The following HOMER2 variants were observed in gnomAD, a reference collection of about 807,000 sequenced individuals.
The protein encoded by HOMER2 is homer protein homolog 2.
HOMER2 carries 27 observed loss-of-function variants against 47.0 expected under a neutral mutation model. The observed-to-expected ratio is 0.57, with a 90% CI of 0.42 to 0.79. The LOEUF (loss-of-function observed/expected upper bound fraction) is 0.79, where lower values mean the gene tolerates loss of function less well. Ranked by LOEUF, HOMER2 falls within the 30% of genes least tolerant of loss-of-function variation. The pLI is 0.00. For missense variants in HOMER2, 443 were observed against 435.0 expected (o/e 1.02, Z -0.16); for synonymous variants, 161 against 163.8 (o/e 0.98, Z 0.13).
chr15:82,937,492 T>C (rs2054167879), intron 1 of HOMER2, among the ~76,000 whole-genome samples: 1 of 152,200 alleles, frequency 6.6e-6, no homozygotes, highest in Non-Finnish European at 1.5e-5. Context: ...ACACTGCCTC[T>C]GCCCTCCAGG....
At chr15:82,975,650 T>A (rs1886291557) in intron 1 of HOMER2, among the ~76,000 whole-genome samples, 3 of 152,110 alleles carry the variant, frequency 2.0e-5, no homozygotes, top group Admixed American at 6.5e-5. Context: ...ACTTGTAGGA[T>A]CTAAAAATCA....
chr15:82,962,206 T>A (rs2054636326), intron 1 of HOMER2, among the ~76,000 whole-genome samples: 1 of 151,562 alleles, frequency 6.6e-6, no homozygotes, highest in Non-Finnish European at 1.5e-5. Flanking sequence ...CCGTCTCTAC[T>A]AAAAATACGA....
rs78335136 is a variant in HOMER2, at chr15:82,962,089, G to A, written n.83-2781C>T. Among the ~76,000 whole-genome samples the A allele has an allele frequency of 3.8e-3, 579 of 151,844 alleles. 19 individuals carry two copies. In the East Asian group the frequency reaches 0.099, roughly 26 times the overall value. On this transcript the variant is annotated intron_variant and non_coding_transcript_variant, in intron 1 of 1. Transcript: ENST00000500334. Reference sequence around the variant, plus strand: ...CACACAAACTTTTAAAAAATGTCCAGGCCGGGTGCGGTGACTCACACCCGT... The same window carrying A: ...CACACAAACTTTTAAAAAATGTCCAAGCCGGGTGCGGTGACTCACACCCGT...
chr15:82,945,709 G>GC (rs1483564390), intron 1 of HOMER2, among the ~76,000 whole-genome samples: 4 of 151,970 alleles, frequency 2.6e-5, no homozygotes. Context: ...GGTGGCTGAC[G>GC]CCTGTAATCC....
At chr15:82,974,317 C>T (rs1476759921) in intron 1 of HOMER2, among the ~76,000 whole-genome samples, 1 of 150,512 alleles carries the variant, frequency 6.6e-6, no homozygotes, top group Non-Finnish European at 1.5e-5. Flanking sequence ...GGCAGGAGAA[C>T]AGCTTGAACC....
chr15:82,892,768 C>T lies in HOMER2; in HGVS notation c.79G>A (p.Ala27Thr). Residue 27 changes from alanine to threonine, a missense_variant, in exon 2 of 9, where the codon GCG (alanine) becomes ACG (threonine). Ala to Thr is a moderately conservative substitution (Grantham distance 58). Coordinates refer to ENST00000450735, the MANE Select transcript of HOMER2 (RefSeq NM_004839.4). ...DPNTKKNWMP[A>T]SKQAVTVSYF... ...GAAACGGTGACCGCCTGCTTGCTCG[C>T]AGGCATCCAGTTCTTCTTGGTGTTG... 4 of 1,607,288 alleles carry T rather than the reference C, an allele frequency of 2.5e-6. No individual in the cohort carries two copies. The highest frequency in any genetic ancestry group is 3.4e-6 in the Non-Finnish European group (4 of 1,175,286).
chr15:82,976,680 T>TG, intron 1 of HOMER2, among the ~76,000 whole-genome samples: 1 of 148,044 alleles, frequency 6.8e-6, no homozygotes, highest in Non-Finnish European at 1.5e-5. Context: ...TGTGTGTGGT[T>TG]TTTTTTTTTT....
chr15:82,860,371 G>T (rs1348530993), intron 4 of HOMER2, among the ~76,000 whole-genome samples: 2 of 149,492 alleles, frequency 1.3e-5, no homozygotes, highest in Non-Finnish European at 3.0e-5. Flanking sequence ...AAAATATGGT[G>T]GGGGGGAGCA....
chr15:82,939,540 C>T (rs1017080021), intron 1 of HOMER2, among the ~76,000 whole-genome samples: 1 of 152,092 alleles, frequency 6.6e-6, no homozygotes, highest in South Asian at 2.1e-4. Flanking sequence ...TGTCGTGGTG[C>T]AAACCTGTAG....
intron 2 of HOMER2, among the ~76,000 whole-genome samples, chr15:82,889,588 G>A (rs1036353471): frequency 3.9e-5 from 6 of 152,216 alleles, no homozygotes; most frequent in African/African-American, 1.4e-4. Context: ...GACAGCAGGC[G>A]ATCCATCTGG....
chr15:82,875,151 G>T, intron 3 of HOMER2, 122 bp downstream of exon 3: 1 of 1,145,734 alleles, frequency 8.7e-7, no homozygotes. Flanking sequence ...GATGCCAGGA[G>T]GAGTGAAACC....
At chr15:82,853,910 T>C (rs1025727305) in intron 6 of HOMER2, among the ~76,000 whole-genome samples, 4 of 152,138 alleles carry the variant, frequency 2.6e-5, no homozygotes, top group African/African-American at 9.7e-5. Context: ...AACAATAATG[T>C]GAATGGAAGC....
At chr15:82,896,601 G>C (rs1179209023) in intron 1 of HOMER2, among the ~76,000 whole-genome samples, 1 of 152,218 alleles carries the variant, frequency 6.6e-6, no homozygotes, top group Non-Finnish European at 1.5e-5. Flanking sequence ...ACAGAGACCT[G>C]GGAGGGGTAC....
intron 5 of HOMER2, 79 bp from the exon 6 acceptor site, chr15:82,854,879 G>T: frequency 6.6e-7 from 1 of 1,517,668 alleles, no homozygotes; most frequent in Non-Finnish European, 8.9e-7. Context: ...AGGGGACTCC[G>T]CCATCCCTCA....
At chr15:82,907,401 AAGAG>A (rs1427597172) in intron 1 of HOMER2, among the ~76,000 whole-genome samples, 2 of 151,180 alleles carry the variant, frequency 1.3e-5, no homozygotes, top group Admixed American at 1.3e-4. Flanking sequence ...AGGAAAGAGA[AAGAG>A]AAGGAAAGAA....
chr15:82,986,099 T>C, upstream of HOMER2: 1 of 985,548 alleles, frequency 1.0e-6, no homozygotes, highest in Non-Finnish European at 1.2e-6. Context: ...CTCTGGGCGT[T>C]GTGCCAGCAT....
At chr15:82,845,066 C>G (rs746264236), downstream of HOMER2, 2 of 152,224 alleles carry the variant, frequency 1.3e-5, no homozygotes, top group African/African-American at 2.4e-5. Context: ...AATTCCACTT[C>G]AAACAAAAGA....
At chr15:82,844,106 T>C (rs34814970), downstream of HOMER2, 4,160 of 152,346 alleles carry the variant, frequency 0.027, 101 homozygotes, top group Middle Eastern at 0.044. Flanking sequence ...GAACTGCTCA[T>C]GGGCATTTCA....
chr15:82,966,313 A>G (rs139720680), intron 1 of HOMER2, among the ~76,000 whole-genome samples: 3 of 152,344 alleles, frequency 2.0e-5, no homozygotes, highest in African/African-American at 4.8e-5. Context: ...GAGGAAAATA[A>G]AAGAATCAAG....
Sources: allele counts gnomAD v4.1 joint callset (sites outside exome capture counted in the v4.1 genomes callset), GRCh38; gene constraint gnomAD v4.1.1; transcripts MANE v1.5; gene names NCBI Gene and HGNC (gene_info 2026-07-23, HGNC 2026-07-21).